The following FUT8 variants were observed in gnomAD, a reference collection of about 807,000 sequenced individuals.
FUT8 encodes fucosyltransferase 8.
FUT8 carries 29 observed loss-of-function variants against 71.3 expected under a neutral mutation model. That is an observed-to-expected ratio of 0.41 (90% CI 0.30 to 0.55). The LOEUF is 0.55. Ranked by LOEUF, FUT8 falls within the 20% of genes least tolerant of loss-of-function variation. FUT8 has a pLI of 0.34. For missense variants in FUT8, 544 were observed against 702.1 expected (o/e 0.77, Z 2.55); for synonymous variants, 254 against 239.3 (o/e 1.06, Z -0.57).
rs116082433 is a variant in FUT8 at position 65,550,729 on chromosome 14, A to G, written c.-227-10608A>G. On this transcript the variant is annotated intron_variant, in intron 2 of 10. Coordinates refer to ENST00000673929, the MANE Select transcript of FUT8 (RefSeq NM_001371533.1). This position sits in a 1 kb window ranked among gnomAD's most constrained non-coding sequence, Gnocchi z 4.5. ...TTCAGCGCTCTTGTCTGCTGTCATC[A>G]TTGTCATTTCTGTTTTCTGGATCTG... is the stretch of plus-strand genomic sequence containing the variant. 0.018 allele frequency among the ~76,000 whole-genome samples: 2,689 copies of G among 152,218 alleles called. 81 individuals are homozygous for G. Among genetic ancestry groups the G allele is most frequent in the African/African-American group, 0.061 (2,541 of 41,518 alleles).
chr14:65,603,058 C>G lies in FUT8; in HGVS notation c.204-12920C>G, dbSNP rs115625445. 6.6e-6 allele frequency among the ~76,000 whole-genome samples: 1 copy of G among 151,950 alleles called. No individual in the cohort carries two copies. The highest frequency in any genetic ancestry group is 2.4e-5 in the African/African-American group (1 of 41,508). ...TTTGCTTTTGAAGTCTTCGCCTAAG[C>G]CAATGTCTAGAAGGATTTTTTCCGA... On this transcript the variant is annotated intron_variant, in intron 3 of 10. Transcript: ENST00000673929. This position sits in a 1 kb window ranked among gnomAD's most constrained non-coding sequence, Gnocchi z 4.5.
At chr14:65,447,706 A>G (rs898891667) in intron 1 of FUT8, among the ~76,000 whole-genome samples, 1 of 152,140 alleles carries the variant, frequency 6.6e-6, no homozygotes, top group Non-Finnish European at 1.5e-5. Context: ...CCCCTGGAAG[A>G]TGGCAGTATA....
intron 2 of FUT8, among the ~76,000 whole-genome samples, chr14:65,506,378 A>G (rs1330925951): frequency 6.6e-6 from 1 of 152,212 alleles, no homozygotes; most frequent in Non-Finnish European, 1.5e-5. Context: ...GTGGACTAAG[A>G]TTTTCTAAGT....
At chr14:65,488,339 A>G (rs936459984) in intron 2 of FUT8, 2 of 152,212 alleles carry the variant, frequency 1.3e-5, no homozygotes, top group Non-Finnish European at 2.9e-5. Context: ...TAGAAGTCAA[A>G]TGAGATCATT....
At position 65,607,021 on chromosome 14, in the gene FUT8, G is replaced by T. The variant is rs1888622766; in HGVS notation, c.204-8957G>T. Among the ~76,000 whole-genome samples, 1 of 151,834 alleles carries T rather than the reference G, an allele frequency of 6.6e-6. No homozygotes were observed. The highest frequency in any genetic ancestry group is 1.5e-5 in the Non-Finnish European group (1 of 67,878). ...TTTTAAAAAACACATTTAGTAATTT[G>T]TGGTTGTTGTTGTATAGAGACTTTA... On this transcript the variant is annotated intron_variant, in intron 3 of 10. Coordinates refer to ENST00000673929, the MANE Select transcript of FUT8 (RefSeq NM_001371533.1). The surrounding 1 kb of genome is among the most constrained non-coding windows in gnomAD (Gnocchi z 4.1).
intron 7 of FUT8, among the ~76,000 whole-genome samples, chr14:65,707,205 G>A (rs918635603): frequency 1.3e-5 from 2 of 152,102 alleles, no homozygotes; most frequent in Admixed American, 6.6e-5. Flanking sequence ...TATTCTAACA[G>A]GTGTGAGGTG....
chr14:65,718,879 T>A (rs1259440158), intron 7 of FUT8, among the ~76,000 whole-genome samples: 3 of 152,240 alleles, frequency 2.0e-5, no homozygotes, highest in Non-Finnish European at 2.9e-5. Flanking sequence ...CTTTTGCTGC[T>A]TTTAGGATCC....
At chr14:65,690,726 CT>C (rs1010902970) in intron 7 of FUT8, among the ~76,000 whole-genome samples, 8,808 of 141,498 alleles carry the variant, frequency 0.062, 265 homozygotes, top group Admixed American at 0.11. Context: ...AAACATTTGA[CT>C]TTTTTTTTTT....
rs535061089 is a variant in FUT8 at position 65,550,506 on chromosome 14, C to T, written c.-227-10831C>T. ...GAAGAACAAAATGGTTGTAGGGTTA[C>T]TCAGAGTGGTTTCTACTGAATATAT... On this transcript the variant is annotated intron_variant, in intron 2 of 10. Transcript: ENST00000673929. This position sits in a 1 kb window ranked among gnomAD's most constrained non-coding sequence, Gnocchi z 4.5. Among the ~76,000 whole-genome samples the T allele has an allele frequency of 3.1e-3, 470 of 152,296 alleles. 3 individuals carry two copies. The highest frequency in any genetic ancestry group is 0.011 in the African/African-American group (457 of 41,570).
At chr14:65,457,583 C>T (rs1235457900) in intron 2 of FUT8, among the ~76,000 whole-genome samples, 1 of 152,108 alleles carries the variant, frequency 6.6e-6, no homozygotes, top group Non-Finnish European at 1.5e-5. Context: ...AATCTCAGCT[C>T]CCTGAGTGCA....
chr14:65,458,618 C>A (rs1479577023), intron 2 of FUT8, among the ~76,000 whole-genome samples: 1 of 152,100 alleles, frequency 6.6e-6, no homozygotes, highest in Non-Finnish European at 1.5e-5. Flanking sequence ...AGCTTCTAAG[C>A]CTGGACATTA....
At chr14:65,481,915 C>G (rs559340319) in intron 2 of FUT8, among the ~76,000 whole-genome samples, 1 of 152,208 alleles carries the variant, frequency 6.6e-6, no homozygotes, top group African/African-American at 2.4e-5. Context: ...TTTTCCTGGA[C>G]TGTTGCTTGT....
At chr14:65,656,394 A>G (rs1891684149) in intron 6 of FUT8, among the ~76,000 whole-genome samples, 1 of 152,226 alleles carries the variant, frequency 6.6e-6, no homozygotes, top group Non-Finnish European at 1.5e-5. Context: ...TGCAATAGCT[A>G]CAAATAAAAT....
At chr14:65,429,804 C>T (rs1015302253) in intron 1 of FUT8, among the ~76,000 whole-genome samples, 13 of 135,686 alleles carry the variant, frequency 9.6e-5, no homozygotes, top group South Asian at 7.5e-4. Flanking sequence ...TCAAGGCTGC[C>T]GGTAAGCTGA....
At chr14:65,498,654 A>G (rs1467028013) in intron 2 of FUT8, among the ~76,000 whole-genome samples, 2 of 152,180 alleles carry the variant, frequency 1.3e-5, no homozygotes, top group African/African-American at 4.8e-5. Flanking sequence ...AATTTTGACT[A>G]TTCTTTCATG....
intron 7 of FUT8, among the ~76,000 whole-genome samples, chr14:65,682,695 C>A (rs1893095438): frequency 6.6e-6 from 1 of 152,170 alleles, no homozygotes; most frequent in African/African-American, 2.4e-5. Flanking sequence ...TGCCAAGATA[C>A]CAGAACTCCT....
chr14:65,742,457 C>T lies in FUT8; in HGVS notation c.*47C>T. On this transcript the variant is annotated 3_prime_UTR_variant, in exon 11 of 11. Transcript: ENST00000673929. ...CGACCAAACTCAGTTCGACCAAACT[C>T]AGTTCAAACCATTTCAGCCAAACTG... The T allele has an allele frequency of 6.5e-7, 1 of 1,529,370 alleles. No individual in the cohort carries two copies. The highest frequency in any genetic ancestry group is 8.9e-7 in the Non-Finnish European group (1 of 1,123,270). 94.7% of individuals were successfully genotyped at this position (1,529,370 alleles called of 1,614,324 possible).
At chr14:65,494,375 G>A (rs902468596) in intron 2 of FUT8, among the ~76,000 whole-genome samples, 6 of 152,078 alleles carry the variant, frequency 3.9e-5, no homozygotes, top group African/African-American at 1.4e-4. Context: ...TTTGGCTACT[G>A]AATACCTTAC....
chr14:65,562,536 G>T (rs1199520866), intron 3 of FUT8, among the ~76,000 whole-genome samples: 2 of 152,016 alleles, frequency 1.3e-5, no homozygotes, highest in Non-Finnish European at 1.5e-5. Flanking sequence ...TATTACATAG[G>T]CGATCTCTGT....
Sources: gnomAD v4.1 joint callset for allele counts (sites outside exome capture counted in the v4.1 genomes callset) on GRCh38, gnomAD v4.1.1 for gene constraint, Gnocchi (gnomAD v3.1) non-coding constraint, MANE v1.5 for transcripts, NCBI Gene and HGNC (gene_info 2026-07-23, HGNC 2026-07-21) for gene names.